Variants in TUSC3 observed in about 807,000 individuals in gnomAD.
The protein encoded by TUSC3 is dolichyl-diphosphooligosaccharide--protein glycosyltransferase subunit TUSC3.
A neutral mutation model predicts 44.8 loss-of-function variants in TUSC3; 45 were observed. That is an observed-to-expected ratio of 1.00 (90% CI 0.79 to 1.29). The LOEUF is 1.29. Among genes scored for constraint, TUSC3 ranks in the 50% most tolerant of loss-of-function variants. The pLI is 0.00. For missense variants in TUSC3, 519 were observed against 437.9 expected (o/e 1.19, Z -1.65); for synonymous variants, 212 against 152.9 (o/e 1.39, Z -2.85).
At chr8:15,767,992 T>G (rs1812374397), downstream of TUSC3, among the ~76,000 whole-genome samples, 1 of 152,094 alleles carries the variant, frequency 6.6e-6, no homozygotes, top group Admixed American at 6.5e-5. Context: ...TTCAGAAAAG[T>G]CCTGAGAAGA....
intron 1 of TUSC3, among the ~76,000 whole-genome samples, chr8:15,447,631 A>G (rs979542595): frequency 3.9e-5 from 6 of 152,098 alleles, no homozygotes; most frequent in African/African-American, 1.4e-4. Context: ...CTTTCTTGAT[A>G]CTAACATGTT....
chr8:15,832,888 A>G, the TUSC3 span, among the ~76,000 whole-genome samples: 1 of 152,196 alleles, frequency 6.6e-6, no homozygotes, highest in African/African-American at 2.4e-5. Context: ...CCAAAAATTA[A>G]CAAAGATATC....
intron 6 of TUSC3, among the ~76,000 whole-genome samples, chr8:15,693,944 A>C (rs1380704472): frequency 6.6e-6 from 1 of 151,838 alleles, no homozygotes; most frequent in Admixed American, 6.6e-5. Context: ...GATACTTGCG[A>C]TTGTATTCTG....
intron 2 of TUSC3, among the ~76,000 whole-genome samples, chr8:15,644,312 A>G (rs1458997328): frequency 3.3e-5 from 5 of 152,170 alleles, no homozygotes; most frequent in Admixed American, 1.3e-4. Context: ...GCATAAGTAT[A>G]TATTAGAATT....
intron 1 of TUSC3, among the ~76,000 whole-genome samples, chr8:15,570,851 G>A (rs1369457310): frequency 6.6e-6 from 1 of 151,470 alleles, no homozygotes; most frequent in Non-Finnish European, 1.5e-5. Flanking sequence ...CTCTGGGGAT[G>A]TGGAAGTGCA....
chr8:15,686,828 G>A (rs1023081771), intron 6 of TUSC3, among the ~76,000 whole-genome samples: 1 of 151,836 alleles, frequency 6.6e-6, no homozygotes, highest in Admixed American at 6.6e-5. Flanking sequence ...CAGCACTTTA[G>A]GAGGCCGAGT....
At chr8:15,518,244 C>A (rs1801248670) in intron 2 of TUSC3, among the ~76,000 whole-genome samples, 1 of 151,990 alleles carries the variant, frequency 6.6e-6, no homozygotes, top group Non-Finnish European at 1.5e-5. Flanking sequence ...ATTACCTTTT[C>A]TCATGTAAAA....
At chr8:15,722,810 T>G (rs1810351294) in intron 6 of TUSC3, among the ~76,000 whole-genome samples, 1 of 144,480 alleles carries the variant, frequency 6.9e-6, no homozygotes. Flanking sequence ...AGTTCATTTG[T>G]TATTAAAAAA....
intron 1 of TUSC3, among the ~76,000 whole-genome samples, chr8:15,617,139 T>TGTGTGTGTGTGTG (rs772712798): frequency 1.3e-4 from 8 of 60,178 alleles, no homozygotes; most frequent in African/African-American, 2.4e-4. Flanking sequence ...TGTGTATATA[T>TGTGTGTGTGTGTG]TTTTTTTTTT....
intron 1 of TUSC3, among the ~76,000 whole-genome samples, chr8:15,458,312 C>G (rs1372181378): frequency 1.3e-5 from 2 of 152,126 alleles, no homozygotes; most frequent in Admixed American, 6.5e-5. Context: ...GCTCACAGCT[C>G]ACTGCACCCT....
chr8:15,520,148 A>T (rs1180675424), intron 2 of TUSC3, among the ~76,000 whole-genome samples: 1 of 152,140 alleles, frequency 6.6e-6, no homozygotes, highest in African/African-American at 2.4e-5. Context: ...TCTCTTTGTC[A>T]TCCAAATTCA....
intron 2 of TUSC3, among the ~76,000 whole-genome samples, chr8:15,631,897 T>G (rs1805782771): frequency 6.6e-6 from 1 of 152,102 alleles, no homozygotes; most frequent in Admixed American, 6.6e-5. Context: ...TTAGTAGAGA[T>G]GGGGTTTCAG....
intron 2 of TUSC3, among the ~76,000 whole-genome samples, chr8:15,523,853 C>G (rs997879683): frequency 3.3e-5 from 5 of 151,220 alleles, no homozygotes; most frequent in African/African-American, 9.7e-5. Context: ...GTCAAGAAAT[C>G]GAGACCATCC....
chr8:15,537,836 A>G (rs990963467), upstream of TUSC3, among the ~76,000 whole-genome samples: 2 of 152,188 alleles, frequency 1.3e-5, no homozygotes, highest in African/African-American at 2.4e-5. Context: ...TATGTTGAGT[A>G]TATCTAGATG....
chr8:15,562,258 A>G (rs924689408), intron 1 of TUSC3, among the ~76,000 whole-genome samples: 20 of 152,074 alleles, frequency 1.3e-4, no homozygotes, highest in Admixed American at 8.5e-4. Context: ...AGATGTTATC[A>G]TTCGTGGATG....
chr8:15,786,455 G>T, the TUSC3 span, among the ~76,000 whole-genome samples: 4 of 152,234 alleles, frequency 2.6e-5, no homozygotes, highest in South Asian at 8.3e-4. Flanking sequence ...GTACTCAAAG[G>T]ACAGTAAGAA....
intron 1 of TUSC3, among the ~76,000 whole-genome samples, chr8:15,587,531 A>G (rs1342541387): frequency 1.3e-5 from 2 of 152,194 alleles, no homozygotes; most frequent in Non-Finnish European, 2.9e-5. Context: ...GGTAATTAGC[A>G]TATCCAGCAC....
At chr8:15,631,370 G>C (rs1805756530) in intron 2 of TUSC3, among the ~76,000 whole-genome samples, 2 of 152,030 alleles carry the variant, frequency 1.3e-5, no homozygotes, top group South Asian at 4.2e-4. Context: ...ATGTGACATT[G>C]TAGCATTCCT....
At chr8:15,445,420 A>G (rs1800082960) in intron 1 of TUSC3, among the ~76,000 whole-genome samples, 1 of 152,154 alleles carries the variant, frequency 6.6e-6, no homozygotes, top group Non-Finnish European at 1.5e-5. Flanking sequence ...GCAGATAAAC[A>G]TGTGAACAAG....
Sources: gnomAD v4.1 joint callset for allele counts (sites outside exome capture counted in the v4.1 genomes callset) on GRCh38, gnomAD v4.1.1 for gene constraint, MANE v1.5 for transcripts, NCBI Gene and HGNC (gene_info 2026-07-23, HGNC 2026-07-21) for gene names.